FSHR: variants seen among roughly 807,000 people sequenced by gnomAD.
The protein encoded by FSHR is follicle-stimulating hormone receptor.
A neutral mutation model predicts 52.1 loss-of-function variants in FSHR; 46 were observed. That is an observed-to-expected ratio of 0.88 (90% CI 0.70 to 1.13). The LOEUF is 1.13. Among genes scored for constraint, FSHR ranks in the 50% most tolerant of loss-of-function variants. FSHR has a pLI of 0.00. For missense variants in FSHR, 964 were observed against 834.6 expected (o/e 1.16, Z -1.91); for synonymous variants, 399 against 309.6 (o/e 1.29, Z -3.03).
chr2:49,081,080 A>G (rs1028146912), intron 1 of FSHR, among the ~76,000 whole-genome samples: 29 of 151,948 alleles, frequency 1.9e-4, no homozygotes, highest in Non-Finnish European at 3.2e-4. Flanking sequence ...GATTGACCCT[A>G]CTGTTTCTTT....
intron 1 of FSHR, among the ~76,000 whole-genome samples, chr2:49,151,388 T>A (rs756285708): frequency 2.0e-5 from 3 of 152,092 alleles, no homozygotes; most frequent in Admixed American, 6.6e-5. Flanking sequence ...GTACAAAACA[T>A]ACTGCATAAA....
At chr2:49,111,881 A>G (rs890556494) in intron 1 of FSHR, among the ~76,000 whole-genome samples, 2 of 152,204 alleles carry the variant, frequency 1.3e-5, no homozygotes, top group African/African-American at 2.4e-5. Context: ...TTGTCTTTAC[A>G]AAGTGATTCC....
intron 2 of FSHR, among the ~76,000 whole-genome samples, chr2:49,051,748 G>A (rs1668865371): frequency 6.6e-6 from 1 of 151,744 alleles, no homozygotes; most frequent in South Asian, 2.1e-4. Context: ...TATGCTTAAT[G>A]TGTTCTACTT....
At chr2:49,135,572 A>T (rs1014939026) in intron 1 of FSHR, among the ~76,000 whole-genome samples, 1 of 152,082 alleles carries the variant, frequency 6.6e-6, no homozygotes, top group Non-Finnish European at 1.5e-5. Flanking sequence ...GAGCAAATTA[A>T]ATCTAAAGCA....
intron 2 of FSHR, among the ~76,000 whole-genome samples, chr2:49,066,092 C>T (rs11689714): frequency 0.51 from 76,929 of 151,762 alleles, 20,104 homozygotes; most frequent in East Asian, 0.7. Context: ...GGCTAAGAAG[C>T]GATTGAAAAG....
chr2:49,089,604 T>G (rs889074705), intron 1 of FSHR, among the ~76,000 whole-genome samples: 1 of 152,186 alleles, frequency 6.6e-6, no homozygotes, highest in Admixed American at 6.6e-5. Context: ...TCATCCAGGC[T>G]GCAATGCAAC....
intron 2 of FSHR, among the ~76,000 whole-genome samples, chr2:49,036,270 G>A (rs1200142218): frequency 2.1e-4 from 32 of 151,940 alleles, no homozygotes; most frequent in Admixed American, 2.0e-3. Context: ...CTCTTTTGGG[G>A]TCTGAAATTT....
At chr2:48,980,662 A>G (rs376429229) in intron 8 of FSHR, among the ~76,000 whole-genome samples, 3 of 152,286 alleles carry the variant, frequency 2.0e-5, no homozygotes. Context: ...GCCTCACCGA[A>G]TAACTTTTAG....
chr2:49,117,969 T>C (rs1671665596), intron 1 of FSHR, among the ~76,000 whole-genome samples: 1 of 152,186 alleles, frequency 6.6e-6, no homozygotes. Flanking sequence ...CACAGTTTAA[T>C]CACTTAGCAA....
At chr2:49,046,277 C>T (rs2104292604) in intron 2 of FSHR, among the ~76,000 whole-genome samples, 1 of 152,332 alleles carries the variant, frequency 6.6e-6, no homozygotes, top group South Asian at 2.1e-4. Flanking sequence ...GTACGTCCTA[C>T]TTCTCTCCAT....
intron 2 of FSHR, among the ~76,000 whole-genome samples, chr2:49,038,623 T>TAAA (rs1196485559): frequency 1.8e-5 from 1 of 54,138 alleles, no homozygotes; most frequent in Non-Finnish European, 3.5e-5. Context: ...AGACTCTGTC[T>TAAA]CAAAATAATA....
intron 4 of FSHR, among the ~76,000 whole-genome samples, chr2:49,016,921 C>T (rs548516900): frequency 6.6e-6 from 1 of 152,300 alleles, no homozygotes; most frequent in African/African-American, 2.4e-5. Flanking sequence ...TTATAACACT[C>T]ATGGCTCTGT....
chr2:49,095,063 G>T (rs910563555), intron 1 of FSHR, among the ~76,000 whole-genome samples: 2 of 152,104 alleles, frequency 1.3e-5, no homozygotes, highest in East Asian at 1.9e-4. Flanking sequence ...TTCCCAGAAA[G>T]AATTTAATAC....
intron 1 of FSHR, among the ~76,000 whole-genome samples, chr2:49,137,706 C>T (rs1672535042): frequency 6.6e-6 from 1 of 152,056 alleles, no homozygotes; most frequent in Admixed American, 6.5e-5. Flanking sequence ...AACTGATTTT[C>T]AATATGGTCC....
rs144676840 is a variant in FSHR at position 49,117,858 on chromosome 2, G to A, written c.152+36408C>T. On this transcript the variant is annotated intron_variant, in intron 1 of 9. Transcript: ENST00000406846. ...CATTTGTATGTACCTCCATAAGCTCGATTTTGCGTGACAGTGATGCTCACC... is the reference window on the plus strand; with the variant it reads ...CATTTGTATGTACCTCCATAAGCTCAATTTTGCGTGACAGTGATGCTCACC... Among the ~76,000 whole-genome samples, 78 of 152,208 alleles carry A rather than the reference G, an allele frequency of 5.1e-4. 1 individual carries two copies. In the South Asian group the frequency reaches 7.3e-3, roughly 14 times the overall value.
At chr2:49,131,624 G>T (rs551251159) in intron 1 of FSHR, among the ~76,000 whole-genome samples, 1 of 152,146 alleles carries the variant, frequency 6.6e-6, no homozygotes, top group African/African-American at 2.4e-5. Flanking sequence ...ATTATTTCTT[G>T]CTGTATTATC....
intron 1 of FSHR, among the ~76,000 whole-genome samples, chr2:49,100,556 C>G (rs1340137487): frequency 6.6e-6 from 1 of 152,128 alleles, no homozygotes; most frequent in Non-Finnish European, 1.5e-5. Flanking sequence ...AAACCCTTAC[C>G]CAATCTTCCT....
At chr2:48,993,047 G>T (rs1002562025) in intron 4 of FSHR, among the ~76,000 whole-genome samples, 8 of 151,794 alleles carry the variant, frequency 5.3e-5, no homozygotes, top group Non-Finnish European at 2.9e-5. Context: ...TTTCGTTTCT[G>T]CTCCTTCTCC....
At chr2:49,114,463 G>A (rs1210359295) in intron 1 of FSHR, among the ~76,000 whole-genome samples, 2 of 152,132 alleles carry the variant, frequency 1.3e-5, no homozygotes, top group Non-Finnish European at 2.9e-5. Flanking sequence ...GAGAAAAAAA[G>A]AATGAATGAG....
Sources: gnomAD v4.1 joint callset for allele counts (sites outside exome capture counted in the v4.1 genomes callset) on GRCh38, gnomAD v4.1.1 for gene constraint, MANE v1.5 for transcripts, NCBI Gene and HGNC (gene_info 2026-07-23, HGNC 2026-07-21) for gene names.